Variants in RAB35 observed in about 807,000 individuals in gnomAD.
RAB35 encodes the protein RAB35, member RAS oncogene family.
A neutral mutation model predicts 28.9 loss-of-function variants in RAB35; 4 were observed. The observed-to-expected ratio is 0.14, with a 90% CI of 0.07 to 0.32. The LOEUF (loss-of-function observed/expected upper bound fraction) is 0.32. Ranked by LOEUF, RAB35 falls within the 10% of genes least tolerant of loss-of-function variation. The pLI is 1.00. For missense variants in RAB35, 128 were observed against 274.0 expected, an observed-to-expected ratio of 0.47 and a Z score of 3.76; for synonymous variants, 99 against 105.1, an observed-to-expected ratio of 0.94 and a Z score of 0.35.
intron 1 of RAB35, among the ~76,000 whole-genome samples, chr12:120,114,091 G>C (rs146412580): frequency 3.3e-5 from 5 of 152,142 alleles, no homozygotes; most frequent in Non-Finnish European, 7.3e-5. Context: ...CCTCCTCTGA[G>C]CCTCAGTTTC....
rs759638682 is a variant in RAB35, at chr12:120,096,460, C to T, written c.*785G>A. 24 of 1,289,618 alleles carry T rather than the reference C, an allele frequency of 1.9e-5. No homozygotes were observed. The South Asian group carries it at 2.1e-4, about 11-fold the overall frequency. The allele number at this position is 1,289,618 out of a possible 1,614,324, so 79.9% of individuals were successfully genotyped here. A position where few individuals can be genotyped will look rare whatever the true frequency, so the allele number is the denominator to read the frequency against. On this transcript the variant is annotated 3_prime_UTR_variant, in exon 6 of 6. Transcript: ENST00000229340. ...CCCCCCTGCCAGCCCCATCTCTGCA[C>T]GAACCTACCCCGACCTTTCTGTTGG... is the stretch of plus-strand genomic sequence containing the variant.
At chr12:120,115,951 A>G (rs1876313028) in intron 1 of RAB35, among the ~76,000 whole-genome samples, 1 of 152,184 alleles carries the variant, frequency 6.6e-6, no homozygotes, top group Admixed American at 6.5e-5. Context: ...AAACTGAACC[A>G]CGCAGGGATA....
At position 120,096,758 on chromosome 12, in the gene RAB35, T is replaced by G. The variant is rs746598396; in HGVS notation, c.*487A>C. The G allele has an allele frequency of 1.6e-6, 2 of 1,290,108 alleles. No individual in the cohort carries two copies. Among genetic ancestry groups the G allele is most frequent in the South Asian group, 1.2e-5 (1 of 81,028 alleles). The allele number at this position is 1,290,108 out of a possible 1,614,324, so 79.9% of individuals were successfully genotyped here. On this transcript the variant is annotated 3_prime_UTR_variant, in exon 6 of 6. Transcript: ENST00000229340. Reference sequence around the variant, plus strand: ...GAGGCTGACAACCTGTCGGAGAGAATGAGCAACGCGGAGCCCACTCCACTG... The same window carrying G: ...GAGGCTGACAACCTGTCGGAGAGAAGGAGCAACGCGGAGCCCACTCCACTG...
Position 120,108,818 on chromosome 12 carries a change from A to G in RAB35, c.53-351T>C, listed in dbSNP as rs538821980. ...GGTCAACCACACGAAACGGCCCCCA[A>G]GTGCGTCTACAACATGGTCCCTAGA... On this transcript the variant is annotated intron_variant, in intron 1 of 5. Coordinates refer to ENST00000229340, the MANE Select transcript of RAB35 (RefSeq NM_006861.7). 14 of 427,044 alleles carry G rather than the reference A, an allele frequency of 3.3e-5. No individual in the cohort carries two copies. In the East Asian group the frequency reaches 7.9e-4, roughly 24 times the overall value. 26.5% of individuals were successfully genotyped at this position (427,044 alleles called of 1,614,324 possible). A position where few individuals can be genotyped will look rare whatever the true frequency, so the allele number is the denominator to read the frequency against.
At position 120,096,985 on chromosome 12, in the gene RAB35, G is replaced by A. The variant is rs532188840; in HGVS notation, c.*260C>T. The A allele has an allele frequency of 4.3e-5, 64 of 1,478,258 alleles. No homozygotes were observed. Among genetic ancestry groups the A allele is most frequent in the South Asian group, 2.1e-4 (17 of 82,748 alleles). The allele number at this position is 1,478,258 out of a possible 1,614,324, so 91.6% of individuals were successfully genotyped here. On this transcript the variant is annotated 3_prime_UTR_variant, in exon 6 of 6. Transcript: ENST00000229340. ...ACAGACTCTGCGAATCAGTCCGCTC[G>A]GCGGGCAGCGTCCTCGCCAGGTCCA... is the stretch of plus-strand genomic sequence containing the variant.
At position 120,096,928 on chromosome 12, in the gene RAB35, T is replaced by C. The variant is rs1425066823; in HGVS notation, c.*317A>G. The C allele has an allele frequency of 7.4e-7, 1 of 1,354,182 alleles. No homozygotes were observed. The highest frequency in any genetic ancestry group is 9.7e-7 in the Non-Finnish European group (1 of 1,031,444). The allele number at this position is 1,354,182 out of a possible 1,614,324, so 83.9% of individuals were successfully genotyped here. On this transcript the variant is annotated 3_prime_UTR_variant, in exon 6 of 6. Transcript: ENST00000229340. Reference sequence around the variant, plus strand: ...AGGCAAAAGCCAGAGCAGGACGTGGTGTGCGGCCGGGTAGAGCAATATACA... The same window carrying C: ...AGGCAAAAGCCAGAGCAGGACGTGGCGTGCGGCCGGGTAGAGCAATATACA...
chr12:120,098,969 G>A (rs780208238), intron 4 of RAB35, 34 bp from the exon 5 acceptor site: 1 of 1,613,946 alleles, frequency 6.2e-7, no homozygotes, highest in African/African-American at 1.3e-5. Flanking sequence ...GCAGCCCTGA[G>A]GGGCGCAGCC....
At chr12:120,114,846 G>C (rs1876264797) in intron 1 of RAB35, among the ~76,000 whole-genome samples, 1 of 152,212 alleles carries the variant, frequency 6.6e-6, no homozygotes, top group African/African-American at 2.4e-5. Flanking sequence ...TTCACTGTTG[G>C]ATATCAACGC....
chr12:120,100,368 AAC>A (rs1238653459), intron 3 of RAB35, among the ~76,000 whole-genome samples: 1 of 152,212 alleles, frequency 6.6e-6, no homozygotes, highest in Non-Finnish European at 1.5e-5. Context: ...TTGCAGCTTC[AAC>A]AGTTATAGCA....
At chr12:120,102,286 A>G (rs1309390684) in intron 3 of RAB35, among the ~76,000 whole-genome samples, 1 of 152,226 alleles carries the variant, frequency 6.6e-6, no homozygotes, top group Non-Finnish European at 1.5e-5. Context: ...CAGAGCAAGG[A>G]TTCATGAGGT....
At chr12:120,099,214 G>A in intron 3 of RAB35, 60 bp from the exon 4 acceptor site, 1 of 1,606,140 alleles carries the variant, frequency 6.2e-7, no homozygotes, top group Non-Finnish European at 8.5e-7. Context: ...CCCTTGCCGG[G>A]ACCCACCTGC....
intron 3 of RAB35, among the ~76,000 whole-genome samples, chr12:120,101,552 T>C (rs1875658630): frequency 6.6e-6 from 1 of 152,236 alleles, no homozygotes; most frequent in Admixed American, 6.5e-5. Flanking sequence ...GTCACGCTAC[T>C]GCATCCTGAC....
At position 120,096,400 on chromosome 12, in the gene RAB35, C is replaced by T; in HGVS notation, c.*845G>A. On this transcript the variant is annotated 3_prime_UTR_variant, in exon 6 of 6. Transcript: ENST00000229340. Reference sequence around the variant, plus strand: ...GAATTTAATTCACTTGATTTGGCTTCATTTTCTTGATCTGTTAAAATAATC... The same window carrying T: ...GAATTTAATTCACTTGATTTGGCTTTATTTTCTTGATCTGTTAAAATAATC... 4.8e-6 allele frequency: 6 copies of T among 1,259,244 alleles called. No individual in the cohort carries two copies. Among genetic ancestry groups the T allele is most frequent in the Non-Finnish European group, 5.1e-6 (5 of 970,990 alleles). 78.0% of individuals were successfully genotyped at this position (1,259,244 alleles called of 1,614,324 possible). A position where few individuals can be genotyped will look rare whatever the true frequency, so the allele number is the denominator to read the frequency against.
intron 1 of RAB35, among the ~76,000 whole-genome samples, chr12:120,111,189 G>C (rs1028922941): frequency 6.6e-6 from 1 of 152,346 alleles, no homozygotes; most frequent in East Asian, 1.9e-4. Context: ...GCTATCCAGC[G>C]CTCCCACTGC....
intron 2 of RAB35, among the ~76,000 whole-genome samples, chr12:120,105,400 A>T (rs1020685492): frequency 6.6e-6 from 1 of 152,178 alleles, no homozygotes. Context: ...GCCAAAGAAC[A>T]AAAGAATGAC....
intron 1 of RAB35, chr12:120,108,714 G>C (rs1163753273): frequency 1.4e-5 from 9 of 644,756 alleles, no homozygotes; most frequent in Non-Finnish European, 2.6e-5. Context: ...CTGGGGGAGA[G>C]ATGAGAAAGG....
At chr12:120,102,191 T>C (rs1299645540) in intron 3 of RAB35, among the ~76,000 whole-genome samples, 2 of 152,170 alleles carry the variant, frequency 1.3e-5, no homozygotes, top group East Asian at 3.9e-4. Context: ...CCTGTTTTCC[T>C]GTCCATAAAA....
At position 120,096,304 on chromosome 12, in the gene RAB35, G is replaced by A. The variant is rs547448862; in HGVS notation, c.*941C>T. On this transcript the variant is annotated 3_prime_UTR_variant, in exon 6 of 6. Transcript: ENST00000229340. ...CATTCATTTTTTTCTAAAAACAGTG[G>A]ACACAAGTGGGGTGGCCTCAACTTT... The A allele has an allele frequency of 1.8e-4, 127 of 687,256 alleles. 1 individual carries two copies. In the South Asian group the frequency reaches 2.3e-3, roughly 12 times the overall value. 42.6% of individuals were successfully genotyped at this position (687,256 alleles called of 1,614,324 possible).
In RAB35 at chr12:120,097,946, T is replaced by C. The variant is rs535365060; in HGVS notation, c.478-573A>G. Among the ~76,000 whole-genome samples, 6 of 148,692 alleles carry C rather than the reference T, an allele frequency of 4.0e-5. No homozygotes were observed. In the East Asian group the frequency reaches 1.0e-3, roughly 25 times the overall value. On this transcript the variant is annotated intron_variant, in intron 5 of 5. Transcript: ENST00000229340. Reference sequence around the variant, plus strand: ...TCGCCCAGGCTGGAGTGCAGTGGCGTGATCTCAGCTCACTGCAAACTCTGC... The same window carrying C: ...TCGCCCAGGCTGGAGTGCAGTGGCGCGATCTCAGCTCACTGCAAACTCTGC...
Sources: gnomAD v4.1 joint callset for allele counts (sites outside exome capture counted in the v4.1 genomes callset) on GRCh38, gnomAD v4.1.1 for gene constraint, MANE v1.5 for transcripts, NCBI Gene and HGNC (gene_info 2026-07-23, HGNC 2026-07-21) for gene names.